The following CREB5 variants were observed in gnomAD, a reference collection of about 807,000 sequenced individuals.
CREB5 encodes the protein cyclic AMP-responsive element-binding protein 5.
A neutral mutation model predicts 57.1 loss-of-function variants in CREB5; 19 were observed. The observed-to-expected ratio is 0.33, with a 90% CI of 0.23 to 0.49. CREB5 has a LOEUF of 0.49. Among genes scored for constraint, CREB5 ranks in the 20% least tolerant of loss-of-function variants. CREB5 has a pLI of 0.99. For synonymous variants in CREB5, 238 were observed against 238.3 expected, an observed-to-expected ratio of 1.00 and a Z score of 0.01; for missense variants, 579 against 671.6, an observed-to-expected ratio of 0.86 and a Z score of 1.52.
chr7:28,491,901 G>C (rs1395632070), intron 2 of CREB5, among the ~76,000 whole-genome samples: 1 of 152,210 alleles, frequency 6.6e-6, no homozygotes, highest in South Asian at 2.1e-4. Flanking sequence ...TGTGCTAGGG[G>C]TGAAGAAATG....
intron 1 of CREB5, among the ~76,000 whole-genome samples, chr7:28,437,957 C>T (rs559617177): frequency 3.4e-4 from 52 of 152,220 alleles, no homozygotes; most frequent in African/African-American, 1.2e-3. Flanking sequence ...AATTTACAAA[C>T]ACCAGTCATT....
At chr7:28,423,028 TC>T in intron 1 of CREB5, among the ~76,000 whole-genome samples, 1 of 152,274 alleles carries the variant, frequency 6.6e-6, no homozygotes, top group East Asian at 1.9e-4. Flanking sequence ...GTATGTGCAG[TC>T]CCAGCTAAAG....
intron 1 of CREB5, among the ~76,000 whole-genome samples, chr7:28,374,522 A>G (rs1348003485): frequency 1.3e-5 from 2 of 152,252 alleles, no homozygotes; most frequent in Non-Finnish European, 2.9e-5. Context: ...AAATAAGAAC[A>G]AACTACTGAT....
intron 5 of CREB5, among the ~76,000 whole-genome samples, chr7:28,689,466 TTAA>T (rs541345341): frequency 1.3e-5 from 2 of 151,856 alleles, no homozygotes; most frequent in Admixed American, 1.3e-4. Context: ...AGACTCTGTC[TTAA>T]TAATAATAAT....
At chr7:28,712,615 C>T (rs2128743808) in intron 5 of CREB5, among the ~76,000 whole-genome samples, 1 of 149,864 alleles carries the variant, frequency 6.7e-6, no homozygotes, top group Admixed American at 6.8e-5. Flanking sequence ...CTCACTGCAG[C>T]CTCCACCTCT....
intron 5 of CREB5, among the ~76,000 whole-genome samples, chr7:28,619,134 G>A (rs1797699323): frequency 6.6e-6 from 1 of 152,180 alleles, no homozygotes; most frequent in Non-Finnish European, 1.5e-5. Context: ...ATCATCTTAT[G>A]AGGCAGATAT....
intron 1 of CREB5, among the ~76,000 whole-genome samples, chr7:28,335,106 A>C (rs1161754872): frequency 6.6e-6 from 1 of 152,142 alleles, no homozygotes; most frequent in Non-Finnish European, 1.5e-5. Context: ...ATAGCTCTAA[A>C]GTATAATTTG....
In CREB5 at chr7:28,691,749, T is replaced by C. The variant is rs558088371; in HGVS notation, c.465-27004T>C. On this transcript the variant is annotated intron_variant, in intron 5 of 10. Transcript: ENST00000357727. ...AAAGAAGTATTGTCTCAGATTTTAC[T>C]TAGTAAGCATTGGTCAGGAAGGCCA... 3.5e-3 allele frequency among the ~76,000 whole-genome samples: 526 copies of C among 152,280 alleles called. 1 individual carries two copies. Among genetic ancestry groups the C allele is most frequent in the Non-Finnish European group, 5.5e-3 (373 of 68,032 alleles).
chr7:28,819,522 G>T lies in CREB5; in HGVS notation c.*243G>T, dbSNP rs1300473979. ...CTTTGGTGCTTTTCTCCAGTTTTCT[G>T]GTACCAGTTACTTGTTTATAAACTG... On this transcript the variant is annotated 3_prime_UTR_variant, in exon 11 of 11. Transcript: ENST00000357727. 2 of 437,222 alleles carry T rather than the reference G, an allele frequency of 4.6e-6. No homozygotes were observed. Among genetic ancestry groups the T allele is most frequent in the Admixed American group, 4.1e-5 (1 of 24,524 alleles). 27.1% of individuals were successfully genotyped at this position (437,222 alleles called of 1,614,324 possible).
chr7:28,671,096 C>T (rs888297631), intron 5 of CREB5, among the ~76,000 whole-genome samples: 2 of 151,694 alleles, frequency 1.3e-5, no homozygotes, highest in African/African-American at 4.8e-5. Flanking sequence ...AGACCCTGTC[C>T]CTGCAAAAAT....
chr7:28,417,503 T>C (rs190677783), intron 1 of CREB5, among the ~76,000 whole-genome samples: 2 of 152,254 alleles, frequency 1.3e-5, no homozygotes, highest in Admixed American at 6.5e-5. Context: ...AAATCAGTGG[T>C]TTATGATCCT....
intron 7 of CREB5, among the ~76,000 whole-genome samples, chr7:28,791,717 C>G (rs528148242): frequency 5.8e-4 from 89 of 152,276 alleles, no homozygotes; most frequent in African/African-American, 2.1e-3. Flanking sequence ...GAAGACAGAT[C>G]ATGAAAATGA....
At chr7:28,633,139 C>T (rs1198571931) in intron 5 of CREB5, among the ~76,000 whole-genome samples, 3 of 152,154 alleles carry the variant, frequency 2.0e-5, no homozygotes, top group African/African-American at 7.2e-5. Flanking sequence ...GATTAGTAAA[C>T]TAAGGCACAG....
rs566474036 is a variant in CREB5, at chr7:28,822,935, G to A, written c.*3656G>A. 6.5e-6 allele frequency: 1 copy of A among 152,740 alleles called. No individual in the cohort carries two copies. The highest frequency in any genetic ancestry group is 2.4e-5 in the African/African-American group (1 of 41,582). 9.5% of individuals were successfully genotyped at this position (152,740 alleles called of 1,614,324 possible). On this transcript the variant is annotated 3_prime_UTR_variant, in exon 11 of 11. Transcript: ENST00000357727. ...AGCCTGTGGGAGACAAGCAGTTTGT[G>A]TGCTCACAGTATATATTATAGTAAT...
intron 1 of CREB5, among the ~76,000 whole-genome samples, chr7:28,404,387 A>ACCTAT (rs1787535357): frequency 6.6e-6 from 1 of 151,862 alleles, no homozygotes; most frequent in Non-Finnish European, 1.5e-5. Context: ...TGTCAGCCTC[A>ACCTAT]CCTCTCCTCT....
intron 1 of CREB5, among the ~76,000 whole-genome samples, chr7:28,302,052 T>A (rs1371826815): frequency 6.6e-6 from 1 of 152,198 alleles, no homozygotes; most frequent in African/African-American, 2.4e-5. Flanking sequence ...ATAGATAAAC[T>A]CAGAGAATAT....
At chr7:28,626,843 C>T (rs759799646) in intron 5 of CREB5, among the ~76,000 whole-genome samples, 7 of 152,044 alleles carry the variant, frequency 4.6e-5, no homozygotes, top group Non-Finnish European at 8.8e-5. Context: ...ACCGGGGGCC[C>T]TTCATCAGAT....
At chr7:28,358,254 T>C (rs1033730924) in intron 1 of CREB5, among the ~76,000 whole-genome samples, 1 of 152,202 alleles carries the variant, frequency 6.6e-6, no homozygotes, top group African/African-American at 2.4e-5. Flanking sequence ...GGTTAAAACA[T>C]AAGGAGAAGA....
chr7:28,361,888 A>C (rs754797329), intron 1 of CREB5, among the ~76,000 whole-genome samples: 32 of 152,194 alleles, frequency 2.1e-4, no homozygotes, highest in Non-Finnish European at 3.8e-4. Context: ...AGAGCTTCTA[A>C]TTGTAATTTT....
Sources: gnomAD v4.1 joint callset for allele counts (sites outside exome capture counted in the v4.1 genomes callset) on GRCh38, gnomAD v4.1.1 for gene constraint, MANE v1.5 for transcripts, NCBI Gene and HGNC (gene_info 2026-07-23, HGNC 2026-07-21) for gene names.